Variants in CACNA2D1 observed in about 807,000 individuals in gnomAD.
The protein encoded by CACNA2D1 is voltage-dependent calcium channel subunit alpha-2/delta-1.
Under a neutral mutation model 171.5 loss-of-function variants are expected in CACNA2D1, and 53 were observed. The observed-to-expected ratio is 0.31, with a 90% CI of 0.25 to 0.39. The LOEUF (loss-of-function observed/expected upper bound fraction) is 0.39, where lower values mean the gene tolerates loss of function less well. CACNA2D1 is among the 10% of genes least tolerant of loss of function. The pLI, the probability that CACNA2D1 is intolerant of heterozygous loss-of-function variation, is 1.00. For missense variants in CACNA2D1, 903 were observed against 1,299.8 expected, an observed-to-expected ratio of 0.69 and a Z score of 4.69; for synonymous variants, 442 against 443.1, an observed-to-expected ratio of 1.00 and a Z score of 0.03.
chr7:82,124,979 T>C (rs1006668994), intron 5 of CACNA2D1, among the ~76,000 whole-genome samples: 1 of 152,204 alleles, frequency 6.6e-6, no homozygotes, highest in Non-Finnish European at 1.5e-5. Context: ...ATATCCCTAC[T>C]AGCTTATTCT....
chr7:82,252,758 T>C (rs1195305151), intron 3 of CACNA2D1, among the ~76,000 whole-genome samples: 2 of 151,840 alleles, frequency 1.3e-5, no homozygotes, highest in African/African-American at 2.4e-5. Context: ...GGCGTGGTGG[T>C]GCGTGCCTGT....
Position 82,215,406 on chromosome 7 carries a change from C to A in CACNA2D1, c.295-44797G>T, listed in dbSNP as rs535831196. ...GCTTTCTGTGCAGTAAACAGCAGAACGCAGACCAAACCGCAGGGTGTTTCA... is the reference window on the plus strand; with the variant it reads ...GCTTTCTGTGCAGTAAACAGCAGAAAGCAGACCAAACCGCAGGGTGTTTCA... On this transcript the variant is annotated intron_variant, in intron 3 of 38. Transcript: ENST00000356860. Among the ~76,000 whole-genome samples, 4 of 152,084 alleles carry A rather than the reference C, an allele frequency of 2.6e-5. No homozygotes were observed. In the East Asian group the frequency reaches 7.7e-4, roughly 29 times the overall value.
chr7:82,228,991 T>C (rs1802629295), intron 3 of CACNA2D1, among the ~76,000 whole-genome samples: 1 of 152,202 alleles, frequency 6.6e-6, no homozygotes, highest in African/African-American at 2.4e-5. Flanking sequence ...TGAGAATGAC[T>C]ATTCCATATA....
At chr7:82,023,135 T>G (rs562232087) in intron 12 of CACNA2D1, among the ~76,000 whole-genome samples, 2 of 151,998 alleles carry the variant, frequency 1.3e-5, no homozygotes, top group Non-Finnish European at 2.9e-5. Context: ...TTCATTTGTT[T>G]GGACTACGGG....
At chr7:82,196,056 T>C (rs1798822021) in intron 3 of CACNA2D1, among the ~76,000 whole-genome samples, 1 of 102,018 alleles carries the variant, frequency 9.8e-6, no homozygotes, top group Non-Finnish European at 1.9e-5. Context: ...TGGATTCTAC[T>C]AATTTACAAC....
chr7:82,353,216 AG>A (rs1473459042), intron 1 of CACNA2D1, among the ~76,000 whole-genome samples: 1 of 152,116 alleles, frequency 6.6e-6, no homozygotes, highest in Non-Finnish European at 1.5e-5. Context: ...ACAAGGAACT[AG>A]CTCAACAGAA....
intron 5 of CACNA2D1, among the ~76,000 whole-genome samples, chr7:82,119,051 T>C (rs1541430): frequency 0.53 from 79,710 of 151,758 alleles, 21,390 homozygotes; most frequent in African/African-American, 0.64. Context: ...AAATATTATA[T>C]ACAAAGGACC....
At chr7:82,005,229 C>T in intron 18 of CACNA2D1, 194 bp downstream of exon 18, 1 of 543,556 alleles carries the variant, frequency 1.8e-6, no homozygotes. Context: ...AAATTGGTAA[C>T]AGAAAATGAA....
intron 3 of CACNA2D1, among the ~76,000 whole-genome samples, chr7:82,296,296 GA>G (rs1302230118): frequency 1.1e-4 from 17 of 151,654 alleles, no homozygotes; most frequent in Non-Finnish European, 2.2e-4. Flanking sequence ...TTCTGAAGAG[GA>G]AAAACTATTT....
chr7:82,193,734 A>G (rs921566865), intron 3 of CACNA2D1, among the ~76,000 whole-genome samples: 21 of 151,994 alleles, frequency 1.4e-4, no homozygotes, highest in African/African-American at 5.1e-4. Context: ...AAGAGTAGGC[A>G]TTATTGAAAA....
chr7:82,341,909 CCA>C (rs1818690793), intron 2 of CACNA2D1, among the ~76,000 whole-genome samples: 1 of 151,618 alleles, frequency 6.6e-6, no homozygotes, highest in Non-Finnish European at 1.5e-5. Flanking sequence ...AAAAAATTAG[CCA>C]GGCGTGGTGG....
At chr7:82,292,791 T>C (rs1002667877) in intron 3 of CACNA2D1, among the ~76,000 whole-genome samples, 1 of 152,252 alleles carries the variant, frequency 6.6e-6, no homozygotes, top group Non-Finnish European at 1.5e-5. Context: ...CCATTAGTTA[T>C]GGGAAATTAT....
chr7:82,248,399 C>A (rs38553), intron 3 of CACNA2D1, among the ~76,000 whole-genome samples: 41,884 of 152,042 alleles, frequency 0.28, 6,641 homozygotes, highest in Non-Finnish European at 0.36. Flanking sequence ...AGAAACTACA[C>A]CCAGGGGTGA....
At position 82,373,839 on chromosome 7, in the gene CACNA2D1, G is replaced by A. The variant is rs951572814; in HGVS notation, c.96-24190C>T. ...GTGTATCTCCAAATAAGTTCAGTGTGATCATACATTTTAAAACAAAAATAT... is the reference window on the plus strand; with the variant it reads ...GTGTATCTCCAAATAAGTTCAGTGTAATCATACATTTTAAAACAAAAATAT... On this transcript the variant is annotated intron_variant, in intron 1 of 38. Transcript: ENST00000356860. 2.6e-5 allele frequency among the ~76,000 whole-genome samples: 4 copies of A among 152,174 alleles called. No individual in the cohort carries two copies. In the South Asian group the frequency reaches 8.3e-4, roughly 31 times the overall value.
chr7:82,066,540 AAAG>A lies in CACNA2D1; in HGVS notation c.659-19_659-17del, dbSNP rs764371870. On this transcript the variant is annotated splice_polypyrimidine_tract_variant and intron_variant, in intron 7 of 38. Transcript: ENST00000356860. ...CATGGTGAAGCTAAAAAAAAAAAAA[AAAG>A]AGAGATATTAAATCAAAATATTAGA... 1.4e-4 allele frequency: 214 copies of A among 1,581,244 alleles called. 2 individuals are homozygous for A. The highest frequency in any genetic ancestry group is 8.1e-4 in the Admixed American group (46 of 56,494).
intron 12 of CACNA2D1, among the ~76,000 whole-genome samples, chr7:82,031,043 A>G (rs1186022892): frequency 6.6e-6 from 1 of 151,980 alleles, no homozygotes; most frequent in Non-Finnish European, 1.5e-5. Context: ...GTGATGTATT[A>G]GGAACTATCA....
chr7:82,217,390 CATACATATATATATATATAT>C (rs747830836), intron 3 of CACNA2D1, among the ~76,000 whole-genome samples: 1 of 54,458 alleles, frequency 1.8e-5, no homozygotes, highest in Admixed American at 2.5e-4. Flanking sequence ...CACACACACA[CATACATATATATATATATAT>C]ATATATATAT....
At chr7:82,105,972 T>C (rs1787712631) in intron 6 of CACNA2D1, among the ~76,000 whole-genome samples, 1 of 152,208 alleles carries the variant, frequency 6.6e-6, no homozygotes, top group African/African-American at 2.4e-5. Flanking sequence ...AGGTAGTATT[T>C]TTTTAAAATA....
At chr7:81,978,143 T>G (rs191495762) in intron 24 of CACNA2D1, among the ~76,000 whole-genome samples, 259 of 151,988 alleles carry the variant, frequency 1.7e-3, no homozygotes, top group Non-Finnish European at 2.8e-3. Context: ...TTGGTGGGAG[T>G]GTAAATTGGT....
Sources: allele counts gnomAD v4.1 joint callset (sites outside exome capture counted in the v4.1 genomes callset), GRCh38; gene constraint gnomAD v4.1.1; transcripts MANE v1.5; gene names NCBI Gene and HGNC (gene_info 2026-07-23, HGNC 2026-07-21).